PLVAP: variants seen among roughly 807,000 people sequenced by gnomAD.
PLVAP encodes plasmalemma vesicle-associated protein.
PLVAP carries 34 observed loss-of-function variants against 43.1 expected under a neutral mutation model. That is an observed-to-expected ratio of 0.79 (90% CI 0.60 to 1.05). The LOEUF is 1.05. Ranked by LOEUF, PLVAP falls within the 50% of genes least tolerant of loss-of-function variation. The probability of loss-of-function intolerance (pLI) is 0.00; values close to 1 mark genes in which losing one functional copy is unlikely to be tolerated. For missense variants in PLVAP, 574 were observed against 593.4 expected, an observed-to-expected ratio of 0.97 and a Z score of 0.34; for synonymous variants, 241 against 237.3, an observed-to-expected ratio of 1.02 and a Z score of -0.14.
chr19:17,353,962 G>A (rs1019425459), intron 5 of PLVAP, among the ~76,000 whole-genome samples: 8 of 152,062 alleles, frequency 5.3e-5, no homozygotes, highest in African/African-American at 1.7e-4. Flanking sequence ...CATTAACCAC[G>A]TGTCCAGCTC....
Position 17,361,925 on chromosome 19 carries a change from A to AT in PLVAP, c.1180-1094_1180-1093insA, listed in dbSNP as rs1006247481. On this transcript the variant is annotated intron_variant, in intron 3 of 5. Coordinates refer to ENST00000252590, the MANE Select transcript of PLVAP (RefSeq NM_031310.3). The stretch of plus-strand genomic sequence containing the variant: ...TCTCTACTAAAAATAAAAAAAAATA[A>AT]AAAAAAAAAAATCAGCCGGGCCTGG... Among the ~76,000 whole-genome samples, 46 of 148,910 alleles carry AT rather than the reference A, an allele frequency of 3.1e-4. 1 individual carries two copies. Among genetic ancestry groups the AT allele is most frequent in the East Asian group, 9.8e-4 (5 of 5,086 alleles).
intron 5 of PLVAP, among the ~76,000 whole-genome samples, chr19:17,357,119 C>T (rs1177121394): frequency 6.6e-6 from 1 of 150,880 alleles, no homozygotes; most frequent in African/African-American, 2.4e-5. Flanking sequence ...AAAATTTTTA[C>T]AAATTTTGTA....
At chr19:17,363,226 C>A (rs575414261) in intron 3 of PLVAP, among the ~76,000 whole-genome samples, 1 of 151,978 alleles carries the variant, frequency 6.6e-6, no homozygotes, top group East Asian at 1.9e-4. Flanking sequence ...TGCAGTGGTG[C>A]GATCTGGGCT....
At chr19:17,361,512 G>A (rs1275190633) in intron 3 of PLVAP, among the ~76,000 whole-genome samples, 5 of 151,994 alleles carry the variant, frequency 3.3e-5, no homozygotes, top group Non-Finnish European at 7.4e-5. Context: ...GCCCCCTTCA[G>A]ACTGAAGCCA....
At chr19:17,361,648 C>T (rs776279657) in intron 3 of PLVAP, among the ~76,000 whole-genome samples, 7 of 152,186 alleles carry the variant, frequency 4.6e-5, no homozygotes, top group Non-Finnish European at 7.3e-5. Context: ...CTGATCCCAA[C>T]GTGAAAAGTC....
At chr19:17,370,495 T>C (rs1015322474) in intron 1 of PLVAP, among the ~76,000 whole-genome samples, 1 of 152,158 alleles carries the variant, frequency 6.6e-6, no homozygotes, top group Non-Finnish European at 1.5e-5. Flanking sequence ...TTGCAGTGTG[T>C]GTGAACCCCA....
rs984621258 is a variant in PLVAP at position 17,352,076 on chromosome 19, A to G, written c.*286T>C. 4.0e-6 allele frequency: 2 copies of G among 504,026 alleles called. No homozygotes were observed. Among genetic ancestry groups the G allele is most frequent in the South Asian group, 2.9e-5 (1 of 34,134 alleles). The allele number at this position is 504,026 out of a possible 1,614,324, so 31.2% of individuals were successfully genotyped here. The stretch of plus-strand genomic sequence containing the variant: ...GACGCCATCGCTATATCTCTTCGTG[A>G]CGTCTACATGGCCACGTGACGCCAT... On this transcript the variant is annotated 3_prime_UTR_variant, in exon 6 of 6. Transcript: ENST00000252590.
chr19:17,373,641 A>C (rs1021446517), intron 1 of PLVAP, among the ~76,000 whole-genome samples: 1 of 151,534 alleles, frequency 6.6e-6, no homozygotes, highest in African/African-American at 2.4e-5. Context: ...TGCTCCCCAC[A>C]ATGTCTCAGG....
At chr19:17,355,248 A>ATAATAG (rs2145717407) in intron 5 of PLVAP, among the ~76,000 whole-genome samples, 1 of 146,668 alleles carries the variant, frequency 6.8e-6, no homozygotes, top group African/African-American at 2.5e-5. Flanking sequence ...AATAATAATA[A>ATAATAG]TAATAATAAT....
Position 17,366,120 on chromosome 19 carries a change from C to T in PLVAP, c.445G>A (p.Asp149Asn). ...SEKQCRDQFK[D>N]MNKSCDALLF... ...TCACCATCGCAGCTCTTGTTCATGT[C>T]CTTGAATTGATCTCTGCATTGCTTC... Residue 149 changes from aspartate (D) to asparagine (N), a missense_variant, in exon 2 of 6, where the codon GAC (aspartate) becomes AAC (asparagine). Asp to Asn is a conservative substitution (Grantham distance 23). Transcript: ENST00000252590. 1 of 1,614,134 alleles carries T rather than the reference C, an allele frequency of 6.2e-7. No homozygotes were observed. Among genetic ancestry groups the T allele is most frequent in the East Asian group, 2.2e-5 (1 of 44,888 alleles).
chr19:17,360,546 A>G lies in PLVAP; in HGVS notation c.1304T>C (p.Ile435Thr). Residue 435 changes from isoleucine (I) to threonine (T), a missense_variant, in exon 5 of 6, where the codon ATC becomes ACC. Transcript: ENST00000252590. ...ILESQRPPAGIPVAPSSG is the reference protein window; with the variant it reads ...ILESQRPPAGTPVAPSSG The stretch of plus-strand genomic sequence containing the variant: ...GCCTTACCTGGATGGGGCTACAGGG[A>G]TGCCTGCAGGGGGCCTCTGGGACTC... 1 of 1,614,118 alleles carries G rather than the reference A, an allele frequency of 6.2e-7. No individual in the cohort carries two copies.
At chr19:17,363,149 G>T (rs906611337) in intron 3 of PLVAP, among the ~76,000 whole-genome samples, 2 of 152,126 alleles carry the variant, frequency 1.3e-5, no homozygotes, top group African/African-American at 2.4e-5. Flanking sequence ...TGGGTATATT[G>T]CATGATGCAG....
chr19:17,367,414 G>A (rs1261181149), intron 1 of PLVAP, among the ~76,000 whole-genome samples: 1 of 149,784 alleles, frequency 6.7e-6, no homozygotes, highest in Non-Finnish European at 1.5e-5. Context: ...TTGAGACAGA[G>A]TTTCGCTCTT....
At chr19:17,372,774 G>A (rs2074578169) in intron 1 of PLVAP, among the ~76,000 whole-genome samples, 1 of 147,190 alleles carries the variant, frequency 6.8e-6, no homozygotes, top group African/African-American at 2.5e-5. Flanking sequence ...TTTTTTAAAT[G>A]AAAAGACAGG....
At chr19:17,361,056 A>C (rs1350226184) in intron 3 of PLVAP, 1 of 507,318 alleles carries the variant, frequency 2.0e-6, no homozygotes, top group African/African-American at 2.0e-5. Context: ...CTGGGACTAC[A>C]GTCACACACC....
chr19:17,377,162 G>A lies in PLVAP; in HGVS notation c.127C>T (p.Leu43Phe), dbSNP rs1244012274. 1 of 1,614,124 alleles carries A rather than the reference G, an allele frequency of 6.2e-7. No individual in the cohort carries two copies. The change falls in exon 1 of 6, where the codon CTC (leucine) becomes TTC (phenylalanine). Residue 43 changes from leucine (L) to phenylalanine (F), a missense_variant. Transcript: ENST00000252590. The part of the protein sequence containing the change: ...SLIQFLIILG[L>F]VLFMVYGNVH... ...TTGCCATAGACCATGAAGAGCACGA[G>A]CCCCAGGATGATGAGGAATTGGATG...
intron 1 of PLVAP, among the ~76,000 whole-genome samples, chr19:17,367,032 T>C (rs2074553234): frequency 1.4e-5 from 2 of 146,632 alleles, no homozygotes; most frequent in African/African-American, 2.5e-5. Context: ...AACCTTGACC[T>C]CCCAGGCTCA....
At chr19:17,361,914 AAAAAAAAAT>A (rs1303848808) in intron 3 of PLVAP, among the ~76,000 whole-genome samples, 1 of 95,276 alleles carries the variant, frequency 1.0e-5, no homozygotes, top group East Asian at 3.4e-4. Context: ...TACTAAAAAT[AAAAAAAAAT>A]AAAAAAAAAA....
intron 3 of PLVAP, 126 bp from the exon 4 acceptor site, chr19:17,360,958 A>G (rs1403485397): frequency 2.4e-6 from 2 of 834,946 alleles, no homozygotes; most frequent in African/African-American, 1.9e-5. Flanking sequence ...CTTGTTGCCC[A>G]GGCTGGAGTG....
Sources: allele counts gnomAD v4.1 joint callset (sites outside exome capture counted in the v4.1 genomes callset), GRCh38; gene constraint gnomAD v4.1.1; transcripts MANE v1.5; gene names NCBI Gene and HGNC (gene_info 2026-07-23, HGNC 2026-07-21).